CNGA1: variants seen among roughly 807,000 people sequenced by gnomAD.
CNGA1 encodes the protein cyclic nucleotide-gated channel alpha-1.
CNGA1 carries 53 observed loss-of-function variants against 69.7 expected under a neutral mutation model. The observed-to-expected ratio is 0.76, with a 90% CI of 0.61 to 0.96. CNGA1 has a LOEUF of 0.96. Among genes scored for constraint, CNGA1 ranks in the 40% least tolerant of loss-of-function variants. The probability of loss-of-function intolerance (pLI) is 0.00; values close to 1 mark genes in which losing one functional copy is unlikely to be tolerated. For synonymous variants in CNGA1, 249 were observed against 283.5 expected, an observed-to-expected ratio of 0.88 and a Z score of 1.22; for missense variants, 739 against 811.2, an observed-to-expected ratio of 0.91 and a Z score of 1.08.
intron 2 of CNGA1, among the ~76,000 whole-genome samples, chr4:47,990,041 G>A (rs1742185765): frequency 6.6e-6 from 1 of 152,166 alleles, no homozygotes; most frequent in Admixed American, 6.6e-5. Context: ...ACCCTGTGAT[G>A]ATTGCATTAA....
At chr4:47,963,840 G>A (rs1740588019) in intron 3 of CNGA1, among the ~76,000 whole-genome samples, 1 of 152,084 alleles carries the variant, frequency 6.6e-6, no homozygotes, top group African/African-American at 2.4e-5. Context: ...ATAGAAAAAT[G>A]TATAAAATAT....
chr4:47,976,469 G>A (rs759301294), intron 3 of CNGA1, among the ~76,000 whole-genome samples: 1 of 151,364 alleles, frequency 6.6e-6, no homozygotes. Context: ...GAGAAGACAA[G>A]TGCAAATTTC....
At chr4:47,939,031 A>C (rs997695865) in intron 10 of CNGA1, among the ~76,000 whole-genome samples, 1 of 151,900 alleles carries the variant, frequency 6.6e-6, no homozygotes, top group Non-Finnish European at 1.5e-5. Context: ...AAAGAAAGAA[A>C]GAGAAAGAAA....
chr4:47,978,766 C>T (rs1366659054), intron 3 of CNGA1, among the ~76,000 whole-genome samples: 1 of 152,030 alleles, frequency 6.6e-6, no homozygotes, highest in Non-Finnish European at 1.5e-5. Flanking sequence ...TTGTTTCAGT[C>T]TCTAGAATTT....
At chr4:48,009,118 G>A (rs902014927) in intron 2 of CNGA1, among the ~76,000 whole-genome samples, 2 of 152,146 alleles carry the variant, frequency 1.3e-5, no homozygotes, top group African/African-American at 2.4e-5. Flanking sequence ...TGCTGGCAAT[G>A]CTTAAGACAT....
chr4:47,957,317 G>T (rs1163582369), intron 3 of CNGA1, among the ~76,000 whole-genome samples: 2 of 152,090 alleles, frequency 1.3e-5, no homozygotes, highest in Admixed American at 6.6e-5. Context: ...TTTTACTGAA[G>T]TGAGCAAAAA....
chr4:47,958,715 A>C (rs1740244880), intron 3 of CNGA1, among the ~76,000 whole-genome samples: 1 of 152,050 alleles, frequency 6.6e-6, no homozygotes, highest in South Asian at 2.1e-4. Context: ...CTACCTCTCT[A>C]CACACTGGCT....
Position 48,016,590 on chromosome 4 carries a change from C to T in CNGA1, c.-330G>A. The T allele has an allele frequency of 1.9e-6, 1 of 520,632 alleles. No homozygotes were observed. Among genetic ancestry groups the T allele is most frequent in the South Asian group, 2.6e-5 (1 of 38,412 alleles). 32.3% of individuals were successfully genotyped at this position (520,632 alleles called of 1,614,324 possible). ...CGCCAAGGGGCAGCTGCTACTCCTG[C>T]CAGATACACCAGTTATCACAGGCCG... On this transcript the variant is annotated 5_prime_UTR_variant, in exon 1 of 11. Transcript: ENST00000514170.
chr4:48,001,123 G>C (rs890088337), intron 2 of CNGA1, among the ~76,000 whole-genome samples: 2 of 151,940 alleles, frequency 1.3e-5, no homozygotes, highest in Non-Finnish European at 2.9e-5. Flanking sequence ...TAAATAAAAA[G>C]ACACAGATAG....
intron 1 of CNGA1, among the ~76,000 whole-genome samples, chr4:48,014,289 A>C (rs537687998): frequency 2.4e-4 from 36 of 152,352 alleles, no homozygotes; most frequent in Non-Finnish European, 1.3e-4. Context: ...CCCCAAAGTC[A>C]TCTAGAAATT....
chr4:47,983,615 TAAAAGA>T (rs151300314), intron 2 of CNGA1, among the ~76,000 whole-genome samples: 17,227 of 151,276 alleles, frequency 0.11, 1,539 homozygotes, highest in East Asian at 0.31. Context: ...AAAAAAAAAG[TAAAAGA>T]AAAAGAAAAA....
At chr4:47,991,437 T>C (rs917918388) in intron 2 of CNGA1, among the ~76,000 whole-genome samples, 5 of 152,254 alleles carry the variant, frequency 3.3e-5, no homozygotes, top group Admixed American at 6.5e-5. Flanking sequence ...CATTTTTTCA[T>C]ATGTTTGTTT....
rs1560617272 is a variant in CNGA1 at position 47,937,323 on chromosome 4, T to TA, written c.1158dup (p.Thr387TyrfsTer5). The TA allele has an allele frequency of 6.2e-7, 1 of 1,614,040 alleles. No homozygotes were observed. Among genetic ancestry groups the TA allele is most frequent in the Non-Finnish European group, 8.5e-7 (1 of 1,180,028 alleles). On this transcript the variant is annotated frameshift_variant, in exon 11 of 11. Transcript: ENST00000514170. LOFTEE classifies it high-confidence loss of function. ...ATAGAACCTATGTTACCAACGATGG[T>TA]AGCAAAAATTAACACTCCAATTAGG...
chr4:47,978,262 A>AT (rs1290199308), intron 3 of CNGA1, among the ~76,000 whole-genome samples: 94 of 152,126 alleles, frequency 6.2e-4, no homozygotes, highest in Non-Finnish European at 1.1e-3. Flanking sequence ...CTTTAAAGAG[A>AT]TTTTTTTAAT....
chr4:47,970,953 C>G, intron 3 of CNGA1: 1 of 453,614 alleles, frequency 2.2e-6, no homozygotes, highest in Non-Finnish European at 4.4e-6. Flanking sequence ...ATCAGGAGTT[C>G]AAGTCCAGCT....
chr4:47,963,341 A>T (rs554749243), intron 3 of CNGA1, among the ~76,000 whole-genome samples: 4 of 152,286 alleles, frequency 2.6e-5, no homozygotes, highest in African/African-American at 9.6e-5. Context: ...AATCATAGAA[A>T]CCTAGAAGCA....
At chr4:47,998,061 C>T (rs1043084096) in intron 2 of CNGA1, among the ~76,000 whole-genome samples, 27 of 152,060 alleles carry the variant, frequency 1.8e-4, no homozygotes, top group African/African-American at 6.3e-4. Context: ...GGACAAAATG[C>T]ACAAAACAAC....
intron 3 of CNGA1, among the ~76,000 whole-genome samples, chr4:47,979,404 A>G (rs915533748): frequency 2.0e-4 from 31 of 152,084 alleles, no homozygotes; most frequent in African/African-American, 7.0e-4. Flanking sequence ...AAGGATATGT[A>G]AGAAAGGACC....
At chr4:47,954,423 G>A (rs868368073) in intron 3 of CNGA1, among the ~76,000 whole-genome samples, 40 of 152,306 alleles carry the variant, frequency 2.6e-4, no homozygotes, top group Admixed American at 1.2e-3. Flanking sequence ...TGCCCACTTG[G>A]GCTCTGGCAC....
Sources: gnomAD v4.1 joint callset for allele counts (sites outside exome capture counted in the v4.1 genomes callset) on GRCh38, gnomAD v4.1.1 for gene constraint, MANE v1.5 for transcripts, NCBI Gene and HGNC (gene_info 2026-07-23, HGNC 2026-07-21) for gene names.